Variants in PCDHGA3 observed in about 807,000 individuals in gnomAD.
PCDHGA3 encodes the protein protocadherin gamma-A3.
PCDHGA3 carries 40 observed loss-of-function variants against 58.5 expected under a neutral mutation model. That is an observed-to-expected ratio of 0.68 (90% CI 0.53 to 0.89). PCDHGA3 has a LOEUF of 0.89. Ranked by LOEUF, PCDHGA3 falls within the 40% of genes least tolerant of loss-of-function variation. PCDHGA3 has a pLI of 0.00. For synonymous variants in PCDHGA3, 530 were observed against 525.7 expected, an observed-to-expected ratio of 1.01 and a Z score of -0.11; for missense variants, 1,223 against 1,195.9, an observed-to-expected ratio of 1.02 and a Z score of -0.33.
In PCDHGA3 at chr5:141,355,471, G is replaced by C. The variant is rs1316340611; in HGVS notation, c.2424+9014G>C. 1.9e-6 allele frequency: 3 copies of C among 1,614,102 alleles called. No homozygotes were observed. Among genetic ancestry groups the C allele is most frequent in the East Asian group, 2.2e-5 (1 of 44,890 alleles). On this transcript the variant is annotated intron_variant, in intron 1 of 3. Coordinates refer to ENST00000253812, the MANE Select transcript of PCDHGA3 (RefSeq NM_018916.4). Reference sequence around the variant, plus strand: ...CACCTTGGTCACCGCGGGTAGGATAGACAGGGAGGAGCTCTGCGACAGATC... The same window carrying C: ...CACCTTGGTCACCGCGGGTAGGATACACAGGGAGGAGCTCTGCGACAGATC...
chr5:141,365,146 A>T (rs780914811), intron 1 of PCDHGA3: 6 of 1,613,932 alleles, frequency 3.7e-6, no homozygotes, highest in Non-Finnish European at 4.2e-6. Flanking sequence ...CAGATGAGGG[A>T]ATAAACGGGA....
rs759916569 is a variant in PCDHGA3, at chr5:141,344,099, G to A, written c.66G>A (p.Thr22=). Residue 22 remains threonine, a synonymous_variant, in exon 1 of 4, where the codon ACG becomes ACA. Coordinates refer to ENST00000253812, the MANE Select transcript of PCDHGA3 (RefSeq NM_018916.4). ...GLALLCALLG[T]LCETGSGQIR... is the part of the protein sequence containing the mutation. ...CCCTGCTGTGCGCGCTCCTGGGGAC[G>A]CTGTGCGAAACAGGATCCGGTCAGA... The A allele has an allele frequency of 6.2e-7, 1 of 1,613,776 alleles. No individual in the cohort carries two copies.
intron 1 of PCDHGA3, chr5:141,346,667 A>C (rs1757791497): frequency 2.9e-6 from 2 of 701,530 alleles, no homozygotes; most frequent in Non-Finnish European, 2.3e-6. Context: ...AAAATAATAC[A>C]TCGTGAGTGA....
intron 1 of PCDHGA3, among the ~76,000 whole-genome samples, chr5:141,352,959 G>C (rs1759153169): frequency 6.6e-6 from 1 of 152,182 alleles, no homozygotes; most frequent in Non-Finnish European, 1.5e-5. Context: ...CTGCACTCCA[G>C]CCTGGGTGAT....
At chr5:141,366,561 A>T in intron 1 of PCDHGA3, 1 of 1,614,210 alleles carries the variant, frequency 6.2e-7, no homozygotes, top group South Asian at 1.1e-5. Context: ...GTGGGCGTGG[A>T]TGGGGTTCGG....
Position 141,364,935 on chromosome 5 carries a change from G to T in PCDHGA3, c.2424+18478G>T, listed in dbSNP as rs1240232107. ...CTGGTGTTGGAACAGCCCCTAGACCGCGAGAAAGAGACTGTTCACGACCTC... is the reference window on the plus strand; with the variant it reads ...CTGGTGTTGGAACAGCCCCTAGACCTCGAGAAAGAGACTGTTCACGACCTC... On this transcript the variant is annotated intron_variant, in intron 1 of 3. Coordinates refer to ENST00000253812, the MANE Select transcript of PCDHGA3 (RefSeq NM_018916.4). The T allele has an allele frequency of 3.1e-6, 5 of 1,613,906 alleles. No individual in the cohort carries two copies. In the Admixed American group the frequency reaches 8.3e-5, roughly 27 times the overall value.
At chr5:141,442,694 C>A (rs549307212) in intron 1 of PCDHGA3, among the ~76,000 whole-genome samples, 22 of 152,304 alleles carry the variant, frequency 1.4e-4, no homozygotes, top group Non-Finnish European at 3.1e-4. Flanking sequence ...GTCAGGCAGA[C>A]AAGAGTATCA....
intron 1 of PCDHGA3, chr5:141,352,377 C>T: frequency 6.2e-7 from 1 of 1,614,038 alleles, no homozygotes; most frequent in Non-Finnish European, 8.5e-7. Context: ...GTGATTCTAG[C>T]GATCGCCCTG....
intron 1 of PCDHGA3, chr5:141,394,355 G>A: frequency 6.2e-7 from 1 of 1,614,182 alleles, no homozygotes; most frequent in Non-Finnish European, 8.5e-7. Context: ...CCGGTGTCCT[G>A]TATGCGCTGC....
At chr5:141,430,656 G>A in intron 1 of PCDHGA3, 1 of 1,092,670 alleles carries the variant, frequency 9.2e-7, no homozygotes, top group Non-Finnish European at 1.3e-6. Context: ...GGAAACAACG[G>A]AGGAGCTCTG....
chr5:141,379,993 G>A (rs922146667), intron 1 of PCDHGA3, among the ~76,000 whole-genome samples: 21 of 143,096 alleles, frequency 1.5e-4, no homozygotes, highest in Middle Eastern at 3.8e-3. Context: ...TCCTCCTCCT[G>A]GGTTCAAGCG....
chr5:141,444,695 CCT>C (rs2154560766), intron 1 of PCDHGA3, among the ~76,000 whole-genome samples: 1 of 152,134 alleles, frequency 6.6e-6, no homozygotes, highest in South Asian at 2.1e-4. Flanking sequence ...AAAATATTTT[CCT>C]CTTTCTGTTG....
chr5:141,511,358 G>T lies in PCDHGA3; in HGVS notation c.*185G>T, dbSNP rs905197337. 1.5e-6 allele frequency: 2 copies of T among 1,355,398 alleles called. No homozygotes were observed. Among genetic ancestry groups the T allele is most frequent in the East Asian group, 2.5e-5 (1 of 39,588 alleles). The allele number at this position is 1,355,398 out of a possible 1,614,324, so 84.0% of individuals were successfully genotyped here. ...GCACCTACCCCTTCCCCCCCAGGGGGTTGAATATGCAAAAGCAGTTCCGCT... is the reference window on the plus strand; with the variant it reads ...GCACCTACCCCTTCCCCCCCAGGGGTTTGAATATGCAAAAGCAGTTCCGCT... On this transcript the variant is annotated 3_prime_UTR_variant, in exon 4 of 4. Coordinates refer to ENST00000253812, the MANE Select transcript of PCDHGA3 (RefSeq NM_018916.4).
At chr5:141,406,259 ATCT>A (rs1419106691) in intron 1 of PCDHGA3, among the ~76,000 whole-genome samples, 1 of 151,904 alleles carries the variant, frequency 6.6e-6, no homozygotes, top group East Asian at 1.9e-4. Flanking sequence ...GTCTCAAACG[ATCT>A]TCCTGCTTCA....
intron 1 of PCDHGA3, chr5:141,376,614 T>C: frequency 6.9e-7 from 1 of 1,446,670 alleles, no homozygotes; most frequent in African/African-American, 1.4e-5. Flanking sequence ...CGAACCTCTT[T>C]TGGTACAGGA....
At chr5:141,498,222 T>A (rs1258826914) in intron 2 of PCDHGA3, among the ~76,000 whole-genome samples, 1 of 152,218 alleles carries the variant, frequency 6.6e-6, no homozygotes, top group East Asian at 1.9e-4. Flanking sequence ...GCATTCCAGA[T>A]GGTCAGGCAT....
chr5:141,394,238 T>G, intron 1 of PCDHGA3: 1 of 1,613,934 alleles, frequency 6.2e-7, no homozygotes, highest in Non-Finnish European at 8.5e-7. Context: ...TTTCCTTGAC[T>G]GCACACGACC....
rs771744120 is a variant in PCDHGA3 at position 141,485,876 on chromosome 5, G to A, written c.2425-8931G>A. ...AGAGCTCCGGGTATCCGTGCTGGAC[G>A]TAAACGACAACGCCCCAGCCTTCCA... On this transcript the variant is annotated intron_variant, in intron 1 of 3. Transcript: ENST00000253812. This position sits in a 1 kb window ranked among gnomAD's most constrained non-coding sequence, Gnocchi z 5.7. 1 of 1,614,174 alleles carries A rather than the reference G, an allele frequency of 6.2e-7. No homozygotes were observed. Among genetic ancestry groups the A allele is most frequent in the Non-Finnish European group, 8.5e-7 (1 of 1,180,030 alleles).
intron 1 of PCDHGA3, chr5:141,399,809 C>A (rs547922730): frequency 1.2e-6 from 2 of 1,613,222 alleles, no homozygotes; most frequent in Admixed American, 1.7e-5. Flanking sequence ...GTGCTGTACC[C>A]CGCGCTGGGT....
Sources: allele counts gnomAD v4.1 joint callset (sites outside exome capture counted in the v4.1 genomes callset), GRCh38; gene constraint gnomAD v4.1.1; non-coding constraint Gnocchi (gnomAD v3.1); transcripts MANE v1.5; gene names NCBI Gene and HGNC (gene_info 2026-07-23, HGNC 2026-07-21).